TMEM132D: variants seen among roughly 807,000 people sequenced by gnomAD.
TMEM132D encodes transmembrane protein 132D.
Under a neutral mutation model 62.3 loss-of-function variants are expected in TMEM132D, and 21 were observed. That is an observed-to-expected ratio of 0.34 (90% confidence interval 0.24 to 0.49). The LOEUF (loss-of-function observed/expected upper bound fraction) is 0.49. Among genes scored for constraint, TMEM132D ranks in the 20% least tolerant of loss-of-function variants. TMEM132D has a pLI of 0.99. For missense variants in TMEM132D, 1,346 were observed against 1,402.8 expected (o/e 0.96, Z 0.65); for synonymous variants, 621 against 575.6 (o/e 1.08, Z -1.13).
In TMEM132D at chr12:129,700,109, G is replaced by T. The variant is rs138400365; in HGVS notation, c.669C>A (p.Pro223=). 3 of 1,613,380 alleles carry T rather than the reference G, an allele frequency of 1.9e-6. No homozygotes were observed. Among genetic ancestry groups the T allele is most frequent in the Non-Finnish European group, 2.5e-6 (3 of 1,180,002 alleles). ...RKSVDQPEGT[P]VELYYTVHPG... is the part of the protein sequence containing the mutation. ...GGTGCACGGTGTAGTAGAGCTCCAC[G>T]GGGGTCCCCTCCGGCTGGTCCACGG... Residue 223 remains proline (P), a synonymous_variant, in exon 2 of 9, where the codon CCC becomes CCA. Coordinates refer to ENST00000422113, the MANE Select transcript of TMEM132D (RefSeq NM_133448.3).
intron 3 of TMEM132D, among the ~76,000 whole-genome samples, chr12:129,504,635 T>C (rs375949517): frequency 6.6e-6 from 1 of 152,224 alleles, no homozygotes; most frequent in Non-Finnish European, 1.5e-5. Flanking sequence ...ATCTTGTTAA[T>C]AGTCTATCAA....
rs148111645 is a variant in TMEM132D, at chr12:129,393,332, C to A, written c.1116-55515G>T. Among the ~76,000 whole-genome samples, 373 of 152,298 alleles carry A rather than the reference C, an allele frequency of 2.4e-3. 2 individuals carry two copies. The highest frequency in any genetic ancestry group is 8.6e-3 in the African/African-American group (356 of 41,550). ...ATGAATGAGCCAATGCTTGCCCTAT[C>A]CAGGATGTTGTTTAAAAGTGTCAAT... On this transcript the variant is annotated intron_variant, in intron 3 of 8. Coordinates refer to ENST00000422113, the MANE Select transcript of TMEM132D (RefSeq NM_133448.3).
chr12:129,229,907 G>A (rs1879589887), intron 4 of TMEM132D, among the ~76,000 whole-genome samples: 1 of 152,180 alleles, frequency 6.6e-6, no homozygotes, highest in Admixed American at 6.5e-5. Context: ...AAACCCAAAA[G>A]TCATTTGCAG....
At chr12:129,123,993 G>A (rs1365070394) in intron 5 of TMEM132D, among the ~76,000 whole-genome samples, 1 of 152,110 alleles carries the variant, frequency 6.6e-6, no homozygotes, top group African/African-American at 2.4e-5. Context: ...GGACTTCTCA[G>A]CCTCCATAAC....
intron 1 of TMEM132D, among the ~76,000 whole-genome samples, chr12:129,830,169 T>TATAC (rs1381909813): frequency 6.6e-6 from 1 of 152,126 alleles, no homozygotes. Flanking sequence ...TGAAGAACCG[T>TATAC]ATACATACAT....
intron 1 of TMEM132D, among the ~76,000 whole-genome samples, chr12:129,785,312 G>T (rs552979095): frequency 3.3e-5 from 5 of 152,270 alleles, no homozygotes; most frequent in African/African-American, 1.2e-4. Flanking sequence ...TGCTGCTACC[G>T]AGTTCCCATC....
chr12:129,808,522 TAA>T (rs1337501624), intron 1 of TMEM132D, among the ~76,000 whole-genome samples: 10 of 152,132 alleles, frequency 6.6e-5, no homozygotes, highest in Non-Finnish European at 2.9e-5. Flanking sequence ...ATGTGAAGGA[TAA>T]AGTGTACAAG....
Position 129,657,190 on chromosome 12 carries a change from A to G in TMEM132D, c.968+42620T>C, listed in dbSNP as rs114190498. Among the ~76,000 whole-genome samples the G allele has an allele frequency of 9.4e-3, 1,427 of 152,318 alleles. 28 individuals are homozygous for G. The highest frequency in any genetic ancestry group is 0.033 in the African/African-American group (1,379 of 41,576). Reference sequence around the variant, plus strand: ...GAATTCTCCTGAGATGCATGTGTTCACCAGCCCTCCAGTAACATGTGCAAC... The same window carrying G: ...GAATTCTCCTGAGATGCATGTGTTCGCCAGCCCTCCAGTAACATGTGCAAC... On this transcript the variant is annotated intron_variant, in intron 2 of 8. Transcript: ENST00000422113.
intron 2 of TMEM132D, among the ~76,000 whole-genome samples, chr12:129,685,370 C>T (rs1880882629): frequency 6.6e-6 from 1 of 152,198 alleles, no homozygotes. Context: ...CTAAAAGGGG[C>T]CAAGGCACAG....
rs138674685 is a variant in TMEM132D at position 129,724,143 on chromosome 12, C to T, written c.80-23445G>A. 1.3e-3 allele frequency among the ~76,000 whole-genome samples: 193 copies of T among 152,258 alleles called. 3 individuals carry two copies. The highest frequency in any genetic ancestry group is 4.2e-3 in the African/African-American group (174 of 41,544). On this transcript the variant is annotated intron_variant, in intron 1 of 8. Coordinates refer to ENST00000422113, the MANE Select transcript of TMEM132D (RefSeq NM_133448.3). ...TTTGAGATGACTATGCCCAAGACAG[C>T]GGGGGCTTCATCAGCCTGGGTCCCT...
chr12:129,454,675 A>G (rs2135728682), intron 3 of TMEM132D, among the ~76,000 whole-genome samples: 1 of 152,338 alleles, frequency 6.6e-6, no homozygotes, highest in East Asian at 1.9e-4. Context: ...TCTCTTCAGA[A>G]ATCACCTTTT....
rs139972318 is a variant in TMEM132D at position 129,114,202 on chromosome 12, T to C, written c.1444-29500A>G. Among the ~76,000 whole-genome samples, 20 of 152,312 alleles carry C rather than the reference T, an allele frequency of 1.3e-4. No homozygotes were observed. In the East Asian group the frequency reaches 3.9e-3, roughly 29 times the overall value. ...CTTTGGATGGGAATTATTTGTTCCC[T>C]GTTCCCAGCGGACATATGGCAATGT... is the stretch of plus-strand genomic sequence containing the variant. On this transcript the variant is annotated intron_variant, in intron 5 of 8. Coordinates refer to ENST00000422113, the MANE Select transcript of TMEM132D (RefSeq NM_133448.3).
At chr12:129,503,430 T>C (rs1875216624) in intron 3 of TMEM132D, among the ~76,000 whole-genome samples, 2 of 152,138 alleles carry the variant, frequency 1.3e-5, no homozygotes, top group African/African-American at 4.8e-5. Flanking sequence ...ATTAGGAATT[T>C]AAGCTGAATG....
intron 4 of TMEM132D, among the ~76,000 whole-genome samples, chr12:129,286,022 C>G (rs75274385): frequency 0.022 from 3,276 of 152,252 alleles, 40 homozygotes; most frequent in Non-Finnish European, 0.034. Context: ...TTTCTTCTTG[C>G]TAACAAGAAA....
chr12:129,299,625 C>T (rs1304136667), intron 4 of TMEM132D, among the ~76,000 whole-genome samples: 1 of 116,044 alleles, frequency 8.6e-6, no homozygotes, highest in East Asian at 4.0e-4. Flanking sequence ...ATTGAACAAT[C>T]AGGTTTTTTT....
intron 5 of TMEM132D, among the ~76,000 whole-genome samples, chr12:129,171,627 A>T (rs1472765432): frequency 6.6e-6 from 1 of 152,224 alleles, no homozygotes; most frequent in Non-Finnish European, 1.5e-5. Context: ...TAGGCTGCAG[A>T]GTGGATGTTG....
At chr12:129,414,535 T>C (rs1593370464) in intron 3 of TMEM132D, among the ~76,000 whole-genome samples, 1 of 152,334 alleles carries the variant, frequency 6.6e-6, no homozygotes, top group Non-Finnish European at 1.5e-5. Flanking sequence ...AGTGCCCTCC[T>C]TATGATGGGG....
intron 2 of TMEM132D, among the ~76,000 whole-genome samples, chr12:129,618,567 C>A (rs941415699): frequency 2.5e-4 from 38 of 152,142 alleles, no homozygotes; most frequent in Non-Finnish European, 8.8e-5. Context: ...CTACAGATAA[C>A]CTTCAAAAAC....
chr12:129,142,366 G>C (rs1402583350), intron 5 of TMEM132D, among the ~76,000 whole-genome samples: 2 of 152,148 alleles, frequency 1.3e-5, no homozygotes, highest in African/African-American at 4.8e-5. Flanking sequence ...AGAAATTAGA[G>C]ATAATGAATG....
Sources: gnomAD v4.1 joint callset for allele counts (sites outside exome capture counted in the v4.1 genomes callset) on GRCh38, gnomAD v4.1.1 for gene constraint, MANE v1.5 for transcripts, NCBI Gene and HGNC (gene_info 2026-07-23, HGNC 2026-07-21) for gene names.